Variants in AAK1 observed in about 807,000 individuals in gnomAD.
AAK1 encodes AP2 associated kinase 1.
AAK1 carries 37 observed loss-of-function variants against 116.0 expected under a neutral mutation model. The observed-to-expected ratio is 0.32, with a 90% CI of 0.25 to 0.42. The LOEUF (loss-of-function observed/expected upper bound fraction) is 0.42, where lower values mean the gene tolerates loss of function less well. Ranked by LOEUF, AAK1 falls within the 10% of genes least tolerant of loss-of-function variation. The pLI is 1.00. For missense variants in AAK1, 919 were observed against 1,170.6 expected (o/e 0.79, Z 3.14); for synonymous variants, 458 against 439.9 (o/e 1.04, Z -0.51).
chr2:69,516,266 A>G (rs1206893984), intron 12 of AAK1, among the ~76,000 whole-genome samples: 1 of 151,996 alleles, frequency 6.6e-6, no homozygotes, highest in East Asian at 1.9e-4. Flanking sequence ...TTAAAACGAT[A>G]GAACAATTAA....
chr2:69,628,008 T>C (rs1674985290), intron 2 of AAK1, among the ~76,000 whole-genome samples: 1 of 152,188 alleles, frequency 6.6e-6, no homozygotes. Context: ...AACATCTAAT[T>C]ATTAACACTG....
chr2:69,604,883 T>C (rs916000879), intron 2 of AAK1, among the ~76,000 whole-genome samples: 1 of 152,222 alleles, frequency 6.6e-6, no homozygotes, highest in African/African-American at 2.4e-5. Context: ...AAATTTTGGC[T>C]AATGGAGCCA....
At position 69,493,158 on chromosome 2, in the gene AAK1, C is replaced by CAAAAAAAAAAAAAAAAA. The variant is rs574490585; in HGVS notation, c.2365+2810_2365+2826dup. ...TGGGCGACAGAGCGAGACTCCGTCT[C>CAAAAAAAAAAAAAAAAA]AAAAAAAAAAAAAAAAAAAGGATGC... On this transcript the variant is annotated intron_variant, in intron 17 of 21. Coordinates refer to ENST00000409085, the MANE Select transcript of AAK1 (RefSeq NM_014911.5). 8.2e-3 allele frequency among the ~76,000 whole-genome samples: 306 copies of CAAAAAAAAAAAAAAAAA among 37,484 alleles called. 46 individuals are homozygous for CAAAAAAAAAAAAAAAAA. Among genetic ancestry groups the CAAAAAAAAAAAAAAAAA allele is most frequent in the East Asian group, 0.026 (37 of 1,426 alleles). The allele number at this position is 37,484 out of a possible 152,430, so 24.6% of individuals were successfully genotyped here. A position where few individuals can be genotyped will look rare whatever the true frequency, so the allele number is the denominator to read the frequency against.
chr2:69,642,775 G>A, intron 2 of AAK1, 103 bp downstream of exon 2: 2 of 1,479,088 alleles, frequency 1.4e-6, no homozygotes, highest in Non-Finnish European at 9.3e-7. Context: ...GGGAAGGGAG[G>A]GTCAACTGGT....
chr2:69,602,505 C>A (rs963416851), intron 2 of AAK1, among the ~76,000 whole-genome samples: 10 of 151,906 alleles, frequency 6.6e-5, no homozygotes, highest in Admixed American at 3.3e-4. Flanking sequence ...ACAAATGTAG[C>A]AAAATATTAA....
chr2:69,470,374 C>G lies in AAK1; in HGVS notation c.*5495G>C. On this transcript the variant is annotated 3_prime_UTR_variant, in exon 22 of 22. Coordinates refer to ENST00000409085, the MANE Select transcript of AAK1 (RefSeq NM_014911.5). ...GAACCAAACTGGGGAAATCAAGAGACGTACATCAAACTAATAATTACCATG... is the reference window on the plus strand; with the variant it reads ...GAACCAAACTGGGGAAATCAAGAGAGGTACATCAAACTAATAATTACCATG... 1 of 985,326 alleles carries G rather than the reference C, an allele frequency of 1.0e-6. No homozygotes were observed. Among genetic ancestry groups the G allele is most frequent in the Non-Finnish European group, 1.2e-6 (1 of 829,924 alleles). The allele number at this position is 985,326 out of a possible 1,614,324, so 61.0% of individuals were successfully genotyped here.
intron 17 of AAK1, among the ~76,000 whole-genome samples, chr2:69,495,195 T>C (rs771231157): frequency 8.5e-5 from 13 of 152,074 alleles, no homozygotes; most frequent in African/African-American, 1.2e-4. Context: ...CGGCTTCTCT[T>C]CCCCACACCA....
intron 2 of AAK1, among the ~76,000 whole-genome samples, chr2:69,565,368 T>G (rs1231762181): frequency 1.3e-5 from 2 of 152,218 alleles, no homozygotes; most frequent in Non-Finnish European, 2.9e-5. Flanking sequence ...GAAAACACAT[T>G]TCTAAGCTAG....
At chr2:69,563,997 T>C (rs1384630746) in intron 2 of AAK1, among the ~76,000 whole-genome samples, 1 of 151,954 alleles carries the variant, frequency 6.6e-6, no homozygotes, top group Non-Finnish European at 1.5e-5. Context: ...ATTGAGACCG[T>C]CCTAGCTAAC....
intron 2 of AAK1, among the ~76,000 whole-genome samples, chr2:69,574,975 G>A (rs1412851707): frequency 1.5e-5 from 2 of 133,890 alleles, no homozygotes; most frequent in Non-Finnish European, 3.1e-5. Flanking sequence ...GTGACAGGGC[G>A]AAATTCTGTC....
At position 69,532,138 on chromosome 2, in the gene AAK1, G is replaced by T. The variant is rs1320211482; in HGVS notation, c.559C>A (p.Arg187=). ...AAGTCACACAGGACATAGTGGCCTCGGTCATGCAAGAGGATGTTTTCAACC... is the reference window on the plus strand; with the variant it reads ...AAGTCACACAGGACATAGTGGCCTCTGTCATGCAAGAGGATGTTTTCAACC... ...LKVENILLHD[R]GHYVLCDFGS... Residue 187 remains arginine, a synonymous_variant, in exon 6 of 22, where the codon CGA becomes AGA. Transcript: ENST00000409085. The T allele has an allele frequency of 2.5e-6, 4 of 1,613,362 alleles. No homozygotes were observed. The Admixed American group carries it at 5.0e-5, about 20-fold the overall frequency.
chr2:69,622,879 C>T (rs1674717853), intron 2 of AAK1, among the ~76,000 whole-genome samples: 2 of 152,082 alleles, frequency 1.3e-5, no homozygotes, highest in Admixed American at 6.5e-5. Context: ...TATAAACGCA[C>T]CAATCAGCAC....
intron 2 of AAK1, among the ~76,000 whole-genome samples, chr2:69,640,080 C>CTCTCT (rs1491472917): frequency 4.7e-5 from 6 of 128,584 alleles, no homozygotes; most frequent in African/African-American, 1.8e-4. Context: ...CTCTCTCTCT[C>CTCTCT]CCCCCCCACA....
Position 69,507,548 on chromosome 2 carries a change from A to G in AAK1, c.2037T>C (p.Pro679=), listed in dbSNP as rs749764046. The change falls in exon 15 of 22, where the codon CCT becomes CCC. Residue 679 remains proline, a synonymous_variant. Coordinates refer to ENST00000409085, the MANE Select transcript of AAK1 (RefSeq NM_014911.5). ...TATAAACGTTTTGTTGAGAGGTCCG[A>G]GGAGAGCCTGATGGAGTGGTGGTTG... ...KSATTTPSGS[P]RTSQQNVYNP... The G allele has an allele frequency of 3.0e-5, 49 of 1,611,996 alleles. No individual in the cohort carries two copies. In the South Asian group the frequency reaches 5.0e-4, roughly 16 times the overall value.
intron 14 of AAK1, among the ~76,000 whole-genome samples, chr2:69,508,690 C>G (rs1465866830): frequency 6.6e-6 from 1 of 152,206 alleles, no homozygotes; most frequent in African/African-American, 2.4e-5. Flanking sequence ...AAGGAAAAGT[C>G]AACCTCTGAC....
chr2:69,606,488 T>TTGAATGAA (rs201915200), intron 2 of AAK1, among the ~76,000 whole-genome samples: 3 of 152,092 alleles, frequency 2.0e-5, no homozygotes, highest in Admixed American at 6.6e-5. Context: ...CAGCAACTTC[T>TTGAATGAA]TGAATGAATG....
At chr2:69,551,503 C>A (rs1671182471) in intron 3 of AAK1, among the ~76,000 whole-genome samples, 1 of 152,174 alleles carries the variant, frequency 6.6e-6, no homozygotes, top group Admixed American at 6.5e-5. Flanking sequence ...AATAAGAAAC[C>A]ATTTGCCTGC....
At chr2:69,579,334 C>T (rs770375905) in intron 2 of AAK1, among the ~76,000 whole-genome samples, 1 of 152,122 alleles carries the variant, frequency 6.6e-6, no homozygotes, top group African/African-American at 2.4e-5. Flanking sequence ...AATCCCAGTA[C>T]TTTGGGAGGC....
At chr2:69,487,099 T>A (rs1246224927) in intron 17 of AAK1, among the ~76,000 whole-genome samples, 1 of 152,208 alleles carries the variant, frequency 6.6e-6, no homozygotes, top group Non-Finnish European at 1.5e-5. Flanking sequence ...GTTTCATTCT[T>A]CTGGTTTAAC....
Sources: gnomAD v4.1 joint callset for allele counts (sites outside exome capture counted in the v4.1 genomes callset) on GRCh38, gnomAD v4.1.1 for gene constraint, MANE v1.5 for transcripts, NCBI Gene and HGNC (gene_info 2026-07-23, HGNC 2026-07-21) for gene names.